DNAJB6: variants seen among roughly 807,000 people sequenced by gnomAD.
DNAJB6 encodes the protein DnaJ heat shock protein family (Hsp40) member B6, also known as dnaJ homolog subfamily B member 6.
A neutral mutation model predicts 42.7 loss-of-function variants in DNAJB6; 16 were observed. The observed-to-expected ratio is 0.37, with a 90% CI of 0.25 to 0.57. DNAJB6 has a LOEUF of 0.57. DNAJB6 is among the 20% of genes least tolerant of loss of function. The pLI, the probability that DNAJB6 is intolerant of heterozygous loss-of-function variation, is 0.74. For synonymous variants in DNAJB6, 170 were observed against 163.5 expected (o/e 1.04, Z -0.30); for missense variants, 347 against 416.8 (o/e 0.83, Z 1.46).
Position 157,409,660 on chromosome 7 carries a change from A to T in DNAJB6, c.692-135A>T, listed in dbSNP as rs112085525. The stretch of plus-strand genomic sequence containing the variant: ...AGTGGCGCCACTGAAGAAAGGAGAT[A>T]ACCTCTTTCTCCTGCCCGGAGATGG... On this transcript the variant is annotated intron_variant, in intron 8 of 9. Transcript: ENST00000262177. 1,447 of 1,006,002 alleles carry T rather than the reference A, an allele frequency of 1.4e-3. 17 individuals are homozygous for T. The African/African-American group carries it at 0.022, about 15-fold the overall frequency. 62.3% of individuals were successfully genotyped at this position (1,006,002 alleles called of 1,614,324 possible).
intron 1 of DNAJB6, among the ~76,000 whole-genome samples, chr7:157,350,491 GCT>G: frequency 6.6e-6 from 1 of 152,136 alleles, no homozygotes. Context: ...AAAATTCAGG[GCT>G]TGACTTTGGA....
chr7:157,342,547 CCT>C (rs1798454948), intron 1 of DNAJB6, among the ~76,000 whole-genome samples: 1 of 151,906 alleles, frequency 6.6e-6, no homozygotes, highest in Admixed American at 6.6e-5. Context: ...CTGTCCAACT[CCT>C]GACCTCAGGT....
At chr7:157,350,946 T>C (rs1798938931) in intron 1 of DNAJB6, among the ~76,000 whole-genome samples, 1 of 151,770 alleles carries the variant, frequency 6.6e-6, no homozygotes, top group Non-Finnish European at 1.5e-5. Flanking sequence ...TCTTTTTTTT[T>C]TTTTTGAGAC....
At chr7:157,350,815 G>A (rs1798933430) in intron 1 of DNAJB6, among the ~76,000 whole-genome samples, 2 of 151,392 alleles carry the variant, frequency 1.3e-5, no homozygotes, top group Non-Finnish European at 2.9e-5. Flanking sequence ...TCAGCCTCCC[G>A]AGTCTTAGCT....
rs60806134 is a variant in DNAJB6 at position 157,346,316 on chromosome 7, TAAA to T, written c.-27+9191_-27+9193del. On this transcript the variant is annotated intron_variant, in intron 1 of 9. Coordinates refer to ENST00000262177, the MANE Select transcript of DNAJB6 (RefSeq NM_058246.4). ...GGTAGCCCTGCTCTGCAAGGAGTAGTAAAAAAAAAAAAAAAAAAAAAGTTAAAG... is the reference window on the plus strand; with the variant it reads ...GGTAGCCCTGCTCTGCAAGGAGTAGTAAAAAAAAAAAAAAAAAAGTTAAAG... Among the ~76,000 whole-genome samples the T allele has an allele frequency of 6.3e-3, 741 of 117,710 alleles. 11 individuals carry two copies. Among genetic ancestry groups the T allele is most frequent in the African/African-American group, 0.02 (657 of 33,666 alleles). 77.2% of individuals were successfully genotyped at this position (117,710 alleles called of 152,430 possible).
chr7:157,356,988 AAG>A (rs1379713062), intron 1 of DNAJB6, among the ~76,000 whole-genome samples: 3 of 150,306 alleles, frequency 2.0e-5, no homozygotes, highest in Non-Finnish European at 4.4e-5. Context: ...TTTTTGATGA[AAG>A]GACTTCCATA....
chr7:157,405,928 C>T (rs112790276), intron 8 of DNAJB6, among the ~76,000 whole-genome samples: 5,917 of 152,356 alleles, frequency 0.039, 367 homozygotes, highest in African/African-American at 0.13. Context: ...TGGGAACGCT[C>T]CATCCACAGT....
chr7:157,365,857 T>A (rs1335577917), intron 3 of DNAJB6, among the ~76,000 whole-genome samples: 1 of 151,244 alleles, frequency 6.6e-6, no homozygotes, highest in Non-Finnish European at 1.5e-5. Context: ...AGAGACTGGG[T>A]TTCTCCGTGT....
intron 8 of DNAJB6, among the ~76,000 whole-genome samples, chr7:157,387,717 A>G (rs575311903): frequency 6.6e-6 from 1 of 152,234 alleles, no homozygotes; most frequent in Non-Finnish European, 1.5e-5. Context: ...AGCTGTGAAC[A>G]GTTTACTCAA....
chr7:157,343,512 C>A (rs967421491), intron 1 of DNAJB6, among the ~76,000 whole-genome samples: 1 of 151,740 alleles, frequency 6.6e-6, no homozygotes, highest in Non-Finnish European at 1.5e-5. Context: ...TCTGTTGCCC[C>A]GGCTGGAGTG....
At chr7:157,378,452 C>T (rs1395562075) in intron 5 of DNAJB6, 3 of 152,244 alleles carry the variant, frequency 2.0e-5, no homozygotes, top group African/African-American at 7.2e-5. Context: ...CGTTGTAGCA[C>T]GTGCTGTATA....
chr7:157,339,642 TGTGTGA>T (rs778853475), intron 1 of DNAJB6, among the ~76,000 whole-genome samples: 2,281 of 42,604 alleles, frequency 0.054, 59 homozygotes, highest in East Asian at 0.3. Context: ...TGTGTGTGTG[TGTGTGA>T]GATGGAGTTT....
chr7:157,397,221 C>T (rs535531889), intron 8 of DNAJB6, among the ~76,000 whole-genome samples: 3 of 152,304 alleles, frequency 2.0e-5, no homozygotes, highest in East Asian at 3.9e-4. Context: ...TGCTAAGCTG[C>T]GCTGAGGTGG....
chr7:157,340,540 T>G (rs1420113275), intron 1 of DNAJB6, among the ~76,000 whole-genome samples: 1 of 152,238 alleles, frequency 6.6e-6, no homozygotes, highest in Non-Finnish European at 1.5e-5. Context: ...TGTGATTTTT[T>G]TTTTTGTATT....
At position 157,364,183 on chromosome 7, in the gene DNAJB6, C is replaced by T. The variant is rs561156374; in HGVS notation, c.175+913C>T. Among the ~76,000 whole-genome samples, 28 of 151,854 alleles carry T rather than the reference C, an allele frequency of 1.8e-4. 2 individuals carry two copies. In the South Asian group the frequency reaches 5.0e-3, roughly 27 times the overall value. The stretch of plus-strand genomic sequence containing the variant: ...TTGCGCCACTGCACTCCAGCCTGGG[C>T]GACAGTGCGAGACTGTCTCCAAAAA... On this transcript the variant is annotated intron_variant, in intron 3 of 9. Coordinates refer to ENST00000262177, the MANE Select transcript of DNAJB6 (RefSeq NM_058246.4).
chr7:157,402,591 C>T (rs1795574695), intron 8 of DNAJB6, among the ~76,000 whole-genome samples: 1 of 152,252 alleles, frequency 6.6e-6, no homozygotes, highest in African/African-American at 2.4e-5. Flanking sequence ...ACCACTTCCA[C>T]CTCCGTAGGC....
At chr7:157,375,682 G>C (rs764291156) in intron 5 of DNAJB6, among the ~76,000 whole-genome samples, 1 of 152,186 alleles carries the variant, frequency 6.6e-6, no homozygotes, top group Non-Finnish European at 1.5e-5. Flanking sequence ...CTCCCATTGC[G>C]TGTTGTATTC....
intron 8 of DNAJB6, among the ~76,000 whole-genome samples, chr7:157,405,465 C>T (rs1364825059): frequency 1.3e-5 from 2 of 152,190 alleles, no homozygotes; most frequent in African/African-American, 4.8e-5. Context: ...CCTTCCTCCT[C>T]GTGGTGACTG....
At chr7:157,347,599 G>C (rs1429784639) in intron 1 of DNAJB6, among the ~76,000 whole-genome samples, 1 of 152,178 alleles carries the variant, frequency 6.6e-6, no homozygotes, top group East Asian at 1.9e-4. Flanking sequence ...CTCACAGAAT[G>C]ACTGTGATGG....
Sources: gnomAD v4.1 joint callset for allele counts (sites outside exome capture counted in the v4.1 genomes callset) on GRCh38, gnomAD v4.1.1 for gene constraint, MANE v1.5 for transcripts, NCBI Gene and HGNC (gene_info 2026-07-23, HGNC 2026-07-21) for gene names.